Variants in TOPAZ1 observed in about 807,000 individuals in gnomAD.
TOPAZ1 encodes the protein testis and ovary specific TOPAZ 1, also known as protein TOPAZ1.
A neutral mutation model predicts 172.2 loss-of-function variants in TOPAZ1; 66 were observed. The observed-to-expected ratio is 0.38, with a 90% CI of 0.31 to 0.47. The LOEUF (loss-of-function observed/expected upper bound fraction) is 0.47. Among genes scored for constraint, TOPAZ1 ranks in the 20% least tolerant of loss-of-function variants. The pLI, the probability that TOPAZ1 is intolerant of heterozygous loss-of-function variation, is 0.99. For synonymous variants in TOPAZ1, 681 were observed against 683.9 expected, an observed-to-expected ratio of 1.00 and a Z score of 0.07; for missense variants, 1,822 against 1,972.4, an observed-to-expected ratio of 0.92 and a Z score of 1.44.
At chr3:44,335,140 A>G (rs2125709541), downstream of TOPAZ1, among the ~76,000 whole-genome samples, 1 of 152,266 alleles carries the variant, frequency 6.6e-6, no homozygotes, top group East Asian at 1.9e-4. Context: ...CAATCATCAT[A>G]ACGAAGAGAA....
chr3:44,256,097 A>C, intron 3 of TOPAZ1, 54 bp from the exon 4 acceptor site: 1 of 1,346,602 alleles, frequency 7.4e-7, no homozygotes, highest in South Asian at 1.5e-5. Context: ...GCCTTTGAAT[A>C]ACTCAGTTAT....
chr3:44,309,160 T>TA (rs1700368778), intron 15 of TOPAZ1, among the ~76,000 whole-genome samples: 1 of 152,226 alleles, frequency 6.6e-6, no homozygotes, highest in South Asian at 2.1e-4. Flanking sequence ...AAAATAATGA[T>TA]ATATGTCCAA....
intron 8 of TOPAZ1, among the ~76,000 whole-genome samples, chr3:44,271,768 A>G (rs1049690832): frequency 5.9e-5 from 9 of 152,226 alleles, no homozygotes; most frequent in African/African-American, 1.9e-4. Flanking sequence ...AATATTTGAA[A>G]TTTACTCTTA....
chr3:44,248,306 G>A (rs1034576110), intron 2 of TOPAZ1, among the ~76,000 whole-genome samples: 1 of 152,130 alleles, frequency 6.6e-6, no homozygotes, highest in African/African-American at 2.4e-5. Flanking sequence ...TTGGTGTGCA[G>A]TATCAAGTGT....
downstream of TOPAZ1, among the ~76,000 whole-genome samples, chr3:44,334,930 T>G (rs1700706852): frequency 6.6e-6 from 1 of 152,120 alleles, no homozygotes; most frequent in South Asian, 2.1e-4. Flanking sequence ...CTTGTGCTAG[T>G]TTTTGCGATT....
intron 17 of TOPAZ1, among the ~76,000 whole-genome samples, chr3:44,322,609 T>A (rs1342233655): frequency 6.6e-6 from 1 of 152,178 alleles, no homozygotes; most frequent in East Asian, 1.9e-4. Context: ...ATGCCTGTAA[T>A]CCCAGCACTT....
chr3:44,274,008 G>A lies in TOPAZ1; in HGVS notation c.3372+3198G>A, dbSNP rs140064891. Among the ~76,000 whole-genome samples, 429 of 152,174 alleles carry A rather than the reference G, an allele frequency of 2.8e-3. 5 individuals are homozygous for A. The highest frequency in any genetic ancestry group is 9.7e-3 in the African/African-American group (401 of 41,498). On this transcript the variant is annotated intron_variant, in intron 8 of 19. Coordinates refer to ENST00000309765, the MANE Select transcript of TOPAZ1 (RefSeq NM_001145030.2). The stretch of plus-strand genomic sequence containing the variant: ...ATGATGAAAATGAGAGGCCCAGCGC[G>A]GTGGCTCATGCCTGTAATCCCTGCA...
intron 2 of TOPAZ1, among the ~76,000 whole-genome samples, chr3:44,247,472 C>T (rs931676586): frequency 3.3e-5 from 5 of 152,164 alleles, no homozygotes; most frequent in Non-Finnish European, 7.3e-5. Flanking sequence ...TTTCTACACA[C>T]TTTTTCTCCT....
At chr3:44,249,044 T>A (rs967628020) in intron 2 of TOPAZ1, among the ~76,000 whole-genome samples, 4 of 152,174 alleles carry the variant, frequency 2.6e-5, no homozygotes, top group Non-Finnish European at 5.9e-5. Context: ...ATGGCTGAAA[T>A]TGGTAAAACG....
chr3:44,313,541 C>T (rs1032261070), intron 16 of TOPAZ1, among the ~76,000 whole-genome samples: 2 of 148,934 alleles, frequency 1.3e-5, no homozygotes, highest in Admixed American at 6.8e-5. Flanking sequence ...GGCATGAACC[C>T]GGGAGGCGGA....
At chr3:44,306,464 A>G in intron 15 of TOPAZ1, 38 bp downstream of exon 15, 1 of 1,197,730 alleles carries the variant, frequency 8.3e-7, no homozygotes, top group Non-Finnish European at 1.2e-6. Flanking sequence ...TGGTATAGAG[A>G]CTACTAGTTT....
chr3:44,290,893 A>G lies in TOPAZ1; in HGVS notation c.3797+7A>G, dbSNP rs1228801960. On this transcript the variant is annotated splice_region_variant and intron_variant, in intron 12 of 19. Transcript: ENST00000309765. ...TTCTGGAAATGAAATCGAGGTGAGA[A>G]AAATCATTATTATTTAAGCCAAAAT... 1 of 1,519,260 alleles carries G rather than the reference A, an allele frequency of 6.6e-7. No homozygotes were observed. Among genetic ancestry groups the G allele is most frequent in the Non-Finnish European group, 8.9e-7 (1 of 1,124,014 alleles). The allele number at this position is 1,519,260 out of a possible 1,614,324, so 94.1% of individuals were successfully genotyped here.
At chr3:44,284,915 T>TTG (rs1700061551) in intron 9 of TOPAZ1, among the ~76,000 whole-genome samples, 1 of 152,216 alleles carries the variant, frequency 6.6e-6, no homozygotes, top group Non-Finnish European at 1.5e-5. Context: ...AAAAAGCTAT[T>TTG]ATCTTCAATA....
chr3:44,329,854 C>A (rs1257246079), intron 19 of TOPAZ1, among the ~76,000 whole-genome samples: 1 of 152,162 alleles, frequency 6.6e-6, no homozygotes, highest in African/African-American at 2.4e-5. Flanking sequence ...GAGGTACTGT[C>A]TCCATCATCT....
chr3:44,316,575 GT>G (rs1700454102), intron 16 of TOPAZ1, among the ~76,000 whole-genome samples: 1 of 151,700 alleles, frequency 6.6e-6, no homozygotes, highest in Non-Finnish European at 1.5e-5. Context: ...ACTTTATGAT[GT>G]TTTTTGCATT....
At chr3:44,250,756 C>T (rs927445201) in intron 2 of TOPAZ1, among the ~76,000 whole-genome samples, 1 of 152,184 alleles carries the variant, frequency 6.6e-6, no homozygotes, top group African/African-American at 2.4e-5. Context: ...TCTCTGCTTC[C>T]TCTTTAAAGT....
At chr3:44,334,529 T>A (rs1311274050), downstream of TOPAZ1, among the ~76,000 whole-genome samples, 1 of 152,088 alleles carries the variant, frequency 6.6e-6, no homozygotes, top group Non-Finnish European at 1.5e-5. Flanking sequence ...GGTATTGGGA[T>A]TACATAATCA....
chr3:44,291,427 C>A (rs1409912626), intron 12 of TOPAZ1, among the ~76,000 whole-genome samples: 3 of 151,142 alleles, frequency 2.0e-5, no homozygotes, highest in Non-Finnish European at 4.4e-5. Context: ...ATGGTGAAAC[C>A]CCATATCTAC....
rs6766226 is a variant in TOPAZ1, at chr3:44,246,039, C to A, written c.2765+768C>A. ...GTTCATTTTTCAGGGGACAGAGACG[C>A]CTTGGAAATTTTTATTTGAAGTAAT... On this transcript the variant is annotated intron_variant, in intron 2 of 19. Transcript: ENST00000309765. Among the ~76,000 whole-genome samples the A allele has an allele frequency of 8.5e-3, 1,294 of 152,232 alleles. 15 individuals are homozygous for A. The highest frequency in any genetic ancestry group is 0.026 in the African/African-American group (1,084 of 41,522).
Sources: allele counts gnomAD v4.1 joint callset (sites outside exome capture counted in the v4.1 genomes callset), GRCh38; gene constraint gnomAD v4.1.1; transcripts MANE v1.5; gene names NCBI Gene and HGNC (gene_info 2026-07-23, HGNC 2026-07-21).